Variants in CTNNA3 observed in about 807,000 individuals in gnomAD.
The protein encoded by CTNNA3 is catenin alpha 3.
Under a neutral mutation model 95.7 loss-of-function variants are expected in CTNNA3, and 76 were observed. The observed-to-expected ratio is 0.79, with a 90% confidence interval of 0.66 to 0.96. The LOEUF (loss-of-function observed/expected upper bound fraction) is 0.96, where lower values mean the gene tolerates loss of function less well. Among genes scored for constraint, CTNNA3 ranks in the 40% least tolerant of loss-of-function variants. CTNNA3 has a pLI of 0.00. For synonymous variants in CTNNA3, 431 were observed against 374.4 expected (o/e 1.15, Z -1.74); for missense variants, 1,191 against 1,089.8 (o/e 1.09, Z -1.31).
chr10:67,325,219 T>A (rs1376702210), intron 5 of CTNNA3, among the ~76,000 whole-genome samples: 1 of 152,108 alleles, frequency 6.6e-6, no homozygotes, highest in Non-Finnish European at 1.5e-5. Flanking sequence ...TGCTTTCTCG[T>A]GTCTCAATCT....
intron 11 of CTNNA3, among the ~76,000 whole-genome samples, chr10:66,508,210 G>GTTTTTTTTTTT (rs756807793): frequency 1.8e-5 from 2 of 108,420 alleles, no homozygotes; most frequent in African/African-American, 7.1e-5. Flanking sequence ...TTTGTTTTCT[G>GTTTTTTTTTTT]TTTTTTTTTT....
At chr10:66,921,241 T>C (rs1846769963) in intron 7 of CTNNA3, among the ~76,000 whole-genome samples, 2 of 152,140 alleles carry the variant, frequency 1.3e-5, no homozygotes, top group South Asian at 4.1e-4. Flanking sequence ...CACTGATCTG[T>C]CATGAGGGCT....
intron 11 of CTNNA3, among the ~76,000 whole-genome samples, chr10:66,383,252 T>C (rs1463946601): frequency 6.6e-6 from 1 of 152,184 alleles, no homozygotes; most frequent in Non-Finnish European, 1.5e-5. Context: ...AGATCTTCAA[T>C]GACCTGATGG....
chr10:66,178,851 A>G (rs943371120), intron 13 of CTNNA3, among the ~76,000 whole-genome samples: 1 of 151,958 alleles, frequency 6.6e-6, no homozygotes, highest in Non-Finnish European at 1.5e-5. Flanking sequence ...AAGCCACATG[A>G]AATATCATTA....
chr10:66,084,135 C>CAAAAAAA, intron 14 of CTNNA3, among the ~76,000 whole-genome samples: 1 of 80,104 alleles, frequency 1.2e-5, no homozygotes, highest in East Asian at 3.4e-4. Context: ...AACTTCATCT[C>CAAAAAAA]AAAAAAAAAA....
intron 1 of CTNNA3, among the ~76,000 whole-genome samples, chr10:67,717,358 T>C (rs1841150061): frequency 2.0e-5 from 3 of 152,344 alleles, no homozygotes; most frequent in Admixed American, 1.3e-4. Context: ...TCTGTTGCCA[T>C]TGCTTTTGGA....
In CTNNA3 at chr10:67,470,812, GC is replaced by G. The variant is rs11300574; in HGVS notation, c.579+51029del. 1.3e-3 allele frequency among the ~76,000 whole-genome samples: 203 copies of G among 152,064 alleles called. 1 individual carries two copies. Among genetic ancestry groups the G allele is most frequent in the African/African-American group, 4.7e-3 (197 of 41,482 alleles). On this transcript the variant is annotated intron_variant, in intron 5 of 17. Transcript: ENST00000433211. ...TTTCTTTTCTTTGACACAGAGTCTT[GC>G]TCTGTTGCCCAGGCTGGAGTCCAGT...
intron 7 of CTNNA3, among the ~76,000 whole-genome samples, chr10:66,849,632 C>T (rs954450541): frequency 6.6e-6 from 1 of 152,192 alleles, no homozygotes; most frequent in African/African-American, 2.4e-5. Flanking sequence ...GAGAGACATA[C>T]AGAAACAGAG....
intron 9 of CTNNA3, among the ~76,000 whole-genome samples, chr10:66,743,974 C>CAAAAAAAAAA (rs536825430): frequency 2.2e-5 from 1 of 45,058 alleles, no homozygotes; most frequent in African/African-American, 8.4e-5. Context: ...GATTCCATCT[C>CAAAAAAAAAA]AAAAAAAAAA....
At chr10:67,574,911 A>G (rs1842096140) in intron 3 of CTNNA3, among the ~76,000 whole-genome samples, 1 of 152,174 alleles carries the variant, frequency 6.6e-6, no homozygotes, top group African/African-American at 2.4e-5. Flanking sequence ...TCTGATATGC[A>G]ACCATAATGA....
chr10:66,909,799 AT>A (rs1846144012), intron 7 of CTNNA3, among the ~76,000 whole-genome samples: 1 of 152,154 alleles, frequency 6.6e-6, no homozygotes, highest in Non-Finnish European at 1.5e-5. Flanking sequence ...AACTACAGGT[AT>A]TCCCAGAGAA....
chr10:67,397,750 C>A lies in CTNNA3; in HGVS notation c.579+124092G>T, dbSNP rs190564322. On this transcript the variant is annotated intron_variant, in intron 5 of 17. Coordinates refer to ENST00000433211, the MANE Select transcript of CTNNA3 (RefSeq NM_013266.4). ...TGATTTCATGGGCAGAGCCCAGGGC[C>A]CCCCTGCTGTATGCAGACTTGGGAC... Among the ~76,000 whole-genome samples the A allele has an allele frequency of 3.3e-4, 51 of 152,244 alleles. No individual in the cohort carries two copies. In the East Asian group the frequency reaches 8.7e-3, roughly 26 times the overall value.
At chr10:66,698,696 A>T (rs1847846671) in intron 9 of CTNNA3, among the ~76,000 whole-genome samples, 1 of 152,204 alleles carries the variant, frequency 6.6e-6, no homozygotes, top group Non-Finnish European at 1.5e-5. Flanking sequence ...ATAGCTCTGT[A>T]CTGATATCAG....
chr10:66,776,091 G>T (rs1248155524), intron 7 of CTNNA3, among the ~76,000 whole-genome samples: 1 of 152,156 alleles, frequency 6.6e-6, no homozygotes, highest in Non-Finnish European at 1.5e-5. Flanking sequence ...AAGATAATTT[G>T]TGCAACACCT....
intron 3 of CTNNA3, among the ~76,000 whole-genome samples, chr10:67,605,050 GTAAAGGAAAT>G (rs1843216453): frequency 6.6e-6 from 1 of 152,098 alleles, no homozygotes; most frequent in African/African-American, 2.4e-5. Flanking sequence ...TAACACTGAA[GTAAAGGAAAT>G]CACCACTTCA....
chr10:66,307,490 A>C (rs1295948103), intron 12 of CTNNA3, among the ~76,000 whole-genome samples: 1 of 152,182 alleles, frequency 6.6e-6, no homozygotes, highest in Non-Finnish European at 1.5e-5. Flanking sequence ...TGATATTAGA[A>C]TATGTAAGTG....
intron 11 of CTNNA3, among the ~76,000 whole-genome samples, chr10:66,445,244 T>A (rs1398870198): frequency 6.6e-6 from 1 of 151,914 alleles, no homozygotes; most frequent in African/African-American, 2.4e-5. Context: ...CACCCCACTG[T>A]CAACATTAGA....
At chr10:66,154,719 C>CATATATAT (rs569694429) in intron 13 of CTNNA3, among the ~76,000 whole-genome samples, 1,709 of 74,788 alleles carry the variant, frequency 0.023, 139 homozygotes, top group African/African-American at 0.051. Context: ...TGAAAAAGTT[C>CATATATAT]ATATATATAT....
chr10:66,298,229 T>C (rs1233816754), intron 12 of CTNNA3, among the ~76,000 whole-genome samples: 1 of 152,128 alleles, frequency 6.6e-6, no homozygotes, highest in Non-Finnish European at 1.5e-5. Flanking sequence ...AGATCAAGCC[T>C]TTAAACAAAC....
Sources: gnomAD v4.1 joint callset for allele counts (sites outside exome capture counted in the v4.1 genomes callset) on GRCh38, gnomAD v4.1.1 for gene constraint, MANE v1.5 for transcripts, NCBI Gene and HGNC (gene_info 2026-07-23, HGNC 2026-07-21) for gene names.